ZNF420: variants seen among roughly 807,000 people sequenced by gnomAD.
The protein encoded by ZNF420 is zinc finger protein 420, also known as ATM and p53-associated KZNF protein.
A neutral mutation model predicts 44.7 loss-of-function variants in ZNF420; 31 were observed. The observed-to-expected ratio is 0.69, with a 90% CI of 0.52 to 0.94. ZNF420 has a LOEUF of 0.94. ZNF420 is among the 40% of genes least tolerant of loss of function. ZNF420 has a pLI of 0.00. For synonymous variants in ZNF420, 245 were observed against 267.4 expected (o/e 0.92, Z 0.82); for missense variants, 681 against 827.9 (o/e 0.82, Z 2.18).
intron 1 of ZNF420, among the ~76,000 whole-genome samples, chr19:37,028,950 A>AC (rs397756968): frequency 3.3e-5 from 5 of 151,520 alleles, no homozygotes; most frequent in South Asian, 2.1e-4. Flanking sequence ...TTTTGTTCAA[A>AC]TCATCGACTG....
At chr19:37,069,031 G>A (rs1010699471) in intron 1 of ZNF420, among the ~76,000 whole-genome samples, 4 of 149,908 alleles carry the variant, frequency 2.7e-5, no homozygotes, top group African/African-American at 1.0e-4. Flanking sequence ...TTTAGTAAAT[G>A]ATAGATAAAA....
At chr19:37,041,336 A>T (rs945685806) in intron 1 of ZNF420, among the ~76,000 whole-genome samples, 1 of 151,796 alleles carries the variant, frequency 6.6e-6, no homozygotes, top group Non-Finnish European at 1.5e-5. Context: ...AATCCCAACA[A>T]CATGTTACAT....
At position 37,128,348 on chromosome 19, in the gene ZNF420, G is replaced by A. The variant is rs958298270; in HGVS notation, c.1357G>A (p.Gly453Arg). ...GAAACCCTATGAATGTAAAGAATGT[G>A]GAAAAACCTTTAGTCGTGGCTCAGA... ...GEKPYECKEC[G>R]KTFSRGSELT... The change falls in exon 5 of 5, where the codon GGA (glycine) becomes AGA (arginine). Residue 453 changes from glycine (G) to arginine (R), a missense_variant. Gly to Arg is a moderately radical substitution (Grantham distance 125). Coordinates refer to ENST00000337995, the MANE Select transcript of ZNF420 (RefSeq NM_144689.5). 2.5e-6 allele frequency: 4 copies of A among 1,613,780 alleles called. No homozygotes were observed. In the African/African-American group the frequency reaches 5.3e-5, roughly 22 times the overall value.
chr19:37,044,370 G>T (rs372317914), intron 1 of ZNF420, among the ~76,000 whole-genome samples: 6 of 152,008 alleles, frequency 3.9e-5, no homozygotes, highest in Admixed American at 1.3e-4. Context: ...AAACAAAACC[G>T]AGGATCGGTG....
chr19:37,107,319 G>T (rs1310971009), intron 4 of ZNF420: 1 of 152,206 alleles, frequency 6.6e-6, no homozygotes, highest in African/African-American at 2.4e-5. Context: ...ACAGTGTATT[G>T]TGTCCTGGGT....
At chr19:37,030,254 C>T (rs546316608) in intron 1 of ZNF420, among the ~76,000 whole-genome samples, 6 of 152,180 alleles carry the variant, frequency 3.9e-5, no homozygotes, top group South Asian at 2.1e-4. Context: ...CTCCGCCTCC[C>T]GGGTTCAAGC....
chr19:37,119,809 A>G (rs1970920834), intron 4 of ZNF420, among the ~76,000 whole-genome samples: 1 of 152,272 alleles, frequency 6.6e-6, no homozygotes, highest in African/African-American at 2.4e-5. Flanking sequence ...CCAATCCCAC[A>G]GAAATACAAA....
At chr19:37,087,294 T>TAA (rs1161104499) in intron 2 of ZNF420, among the ~76,000 whole-genome samples, 1 of 79,698 alleles carries the variant, frequency 1.3e-5, no homozygotes, top group East Asian at 2.8e-4. Context: ...AAAAAAAAAA[T>TAA]AAATAAATAA....
intron 1 of ZNF420, among the ~76,000 whole-genome samples, chr19:37,024,393 A>C (rs1440450317): frequency 6.6e-6 from 1 of 151,894 alleles, no homozygotes; most frequent in Non-Finnish European, 1.5e-5. Flanking sequence ...GGCAAAATCA[A>C]CTTTCTAAAT....
Position 37,127,908 on chromosome 19 carries a change from C to T in ZNF420, c.917C>T (p.Pro306Leu). 6.2e-7 allele frequency: 1 copy of T among 1,614,026 alleles called. No homozygotes were observed. Among genetic ancestry groups the T allele is most frequent in the Non-Finnish European group, 8.5e-7 (1 of 1,179,968 alleles). The change falls in exon 5 of 5, where the codon CCC becomes CTC. Residue 306 changes from proline (P) to leucine (L), a missense_variant. Pro to Leu is a moderately conservative substitution (Grantham distance 98). Transcript: ENST00000337995. ...LHKRIHTGEK[P>L]YECKECGKAF... Reference sequence around the variant, plus strand: ...AAGAGAATTCATACCGGTGAGAAACCCTATGAATGTAAGGAATGTGGAAAA... The same window carrying T: ...AAGAGAATTCATACCGGTGAGAAACTCTATGAATGTAAGGAATGTGGAAAA...
intron 1 of ZNF420, among the ~76,000 whole-genome samples, chr19:37,028,014 C>T (rs1967186125): frequency 6.6e-6 from 1 of 152,204 alleles, no homozygotes; most frequent in Admixed American, 6.5e-5. Context: ...CTGCCTTCCA[C>T]AGTGACTGTA....
chr19:37,066,434 C>A (rs376565931), intron 1 of ZNF420, among the ~76,000 whole-genome samples: 38 of 141,272 alleles, frequency 2.7e-4, no homozygotes, highest in African/African-American at 3.1e-4. Context: ...GAGTCTGTCT[C>A]AAAAAAAAAA....
Position 37,127,245 on chromosome 19 carries a change from A to C in ZNF420, c.254A>C (p.Asn85Thr). 2 of 1,613,516 alleles carry C rather than the reference A, an allele frequency of 1.2e-6. No homozygotes were observed. Among genetic ancestry groups the C allele is most frequent in the Non-Finnish European group, 1.7e-6 (2 of 1,179,760 alleles). The change falls in exon 5 of 5, where the codon AAT (asparagine) becomes ACT (threonine). Residue 85 changes from asparagine (N) to threonine (T), a missense_variant. By Grantham distance (65) the Asn-to-Thr change is moderately conservative (BLOSUM62 0). Coordinates refer to ENST00000337995, the MANE Select transcript of ZNF420 (RefSeq NM_144689.5). ...GAAAACTGTGATCTTGAAGAGTCCA[A>C]TTCCAGGGATTATTTGGAAGCCAAA... ...RLENCDLEES[N>T]SRDYLEAKGK... is the part of the protein sequence containing the mutation.
intron 1 of ZNF420, among the ~76,000 whole-genome samples, chr19:37,045,702 A>G (rs1449207246): frequency 2.6e-5 from 4 of 152,210 alleles, no homozygotes; most frequent in African/African-American, 7.2e-5. Context: ...TAGAATTGCA[A>G]TGATTTGTTG....
At chr19:37,011,613 T>C (rs1044688974) in intron 1 of ZNF420, among the ~76,000 whole-genome samples, 5 of 152,266 alleles carry the variant, frequency 3.3e-5, no homozygotes, top group African/African-American at 1.2e-4. Flanking sequence ...TAGCAAAATG[T>C]GGCTTGGATT....
chr19:37,010,454 G>A (rs562048091), intron 1 of ZNF420, among the ~76,000 whole-genome samples: 2 of 152,196 alleles, frequency 1.3e-5, no homozygotes, highest in African/African-American at 4.8e-5. Context: ...GAACCCCGCA[G>A]CCTCAGGGGT....
chr19:37,088,935 G>C, intron 2 of ZNF420, 104 bp from the exon 3 acceptor site: 2 of 615,566 alleles, frequency 3.2e-6, no homozygotes, highest in Non-Finnish European at 5.9e-6. Context: ...TGTGTTTTGG[G>C]GGTGGGAGAA....
chr19:37,037,619 G>A lies in ZNF420; in HGVS notation c.-125+29537G>A, dbSNP rs118183628. Among the ~76,000 whole-genome samples the A allele has an allele frequency of 6.2e-3, 939 of 152,320 alleles. 28 individuals carry two copies. Among genetic ancestry groups the A allele is most frequent in the East Asian group, 0.05 (258 of 5,192 alleles). ...GTGGGACAGGTGGGCAAATGCTCCAGGCTCCTGTTTCAGGTGGACAGTTCG... is the reference window on the plus strand; with the variant it reads ...GTGGGACAGGTGGGCAAATGCTCCAAGCTCCTGTTTCAGGTGGACAGTTCG... On this transcript the variant is annotated intron_variant, in intron 1 of 4. Transcript: ENST00000587029.
At chr19:37,065,770 T>C (rs991615334) in intron 1 of ZNF420, among the ~76,000 whole-genome samples, 3 of 152,230 alleles carry the variant, frequency 2.0e-5, no homozygotes, top group African/African-American at 7.2e-5. Flanking sequence ...TTGTGGTAAT[T>C]TGATACAAGA....
Sources: gnomAD v4.1 joint callset for allele counts (sites outside exome capture counted in the v4.1 genomes callset) on GRCh38, gnomAD v4.1.1 for gene constraint, MANE v1.5 for transcripts, NCBI Gene and HGNC (gene_info 2026-07-23, HGNC 2026-07-21) for gene names.